Variants in SLC67A2 observed in about 807,000 individuals in gnomAD.
SLC67A2 encodes solute carrier family 67 member 2.
chr2:102,718,522 G>A, the SLC67A2 span: 1 of 1,613,666 alleles, frequency 6.2e-7, no homozygotes. Flanking sequence ...CCAGGCTGGG[G>A]GGGCCGCAAG....
chr2:102,735,836 ACG>A, the SLC67A2 span, among the ~76,000 whole-genome samples: 1,603 of 135,508 alleles, frequency 0.012, 34 homozygotes, highest in African/African-American at 0.042. Context: ...AAACCAGGAC[ACG>A]CGCGCGCGCA....
At chr2:102,726,796 T>G in the SLC67A2 span, 2 of 1,512,528 alleles carry the variant, frequency 1.3e-6, no homozygotes, top group Admixed American at 2.2e-5. Context: ...CATATTGAGG[T>G]TCTGGGGGAA....
the SLC67A2 span, among the ~76,000 whole-genome samples, chr2:102,720,008 T>C: frequency 6.6e-6 from 1 of 152,324 alleles, no homozygotes; most frequent in South Asian, 2.1e-4. Context: ...TCTGTCCTCA[T>C]AGGACTAGCA....
chr2:102,716,369 C>T, the SLC67A2 span: 2 of 152,194 alleles, frequency 1.3e-5, no homozygotes, highest in South Asian at 4.2e-4. Context: ...AATTCTATTT[C>T]ATTGCATAAA....
At chr2:102,728,263 A>C in the SLC67A2 span, among the ~76,000 whole-genome samples, 1 of 152,210 alleles carries the variant, frequency 6.6e-6, no homozygotes, top group South Asian at 2.1e-4. Context: ...GTTCCAGTAC[A>C]ATGGGCTGGT....
chr2:102,726,805 A>T, the SLC67A2 span: 1 of 1,538,936 alleles, frequency 6.5e-7, no homozygotes. Context: ...GTTCTGGGGG[A>T]AGCTACGTTT....
chr2:102,724,972 C>T, the SLC67A2 span, among the ~76,000 whole-genome samples: 3 of 152,302 alleles, frequency 2.0e-5, no homozygotes, highest in East Asian at 3.9e-4. Flanking sequence ...CCGTAGGTCT[C>T]GCAGGAATTC....
the SLC67A2 span, among the ~76,000 whole-genome samples, chr2:102,735,619 G>A: frequency 3.9e-5 from 6 of 152,198 alleles, no homozygotes; most frequent in African/African-American, 1.4e-4. Context: ...AAAGGGAGGA[G>A]TGCAGAGGTG....
chr2:102,714,750 T>C, the SLC67A2 span, among the ~76,000 whole-genome samples: 1 of 152,228 alleles, frequency 6.6e-6, no homozygotes, highest in Non-Finnish European at 1.5e-5. Flanking sequence ...GAAAAGCTGC[T>C]ACACATCATC....
chr2:102,715,681 G>C, the SLC67A2 span, among the ~76,000 whole-genome samples: 1 of 152,050 alleles, frequency 6.6e-6, no homozygotes, highest in Non-Finnish European at 1.5e-5. Flanking sequence ...TTTCAGGAAG[G>C]TTCAATACTC....
the SLC67A2 span, among the ~76,000 whole-genome samples, chr2:102,728,180 A>G: frequency 6.6e-6 from 1 of 152,198 alleles, no homozygotes; most frequent in Non-Finnish European, 1.5e-5. Flanking sequence ...ACACTATACT[A>G]TCAATGGAGC....
At chr2:102,715,292 C>T in the SLC67A2 span, among the ~76,000 whole-genome samples, 5 of 152,266 alleles carry the variant, frequency 3.3e-5, no homozygotes, top group Admixed American at 6.5e-5. Context: ...GCATGGCAGC[C>T]GAATCCATTC....
At chr2:102,735,782 TA>T in the SLC67A2 span, among the ~76,000 whole-genome samples, 80 of 152,162 alleles carry the variant, frequency 5.3e-4, no homozygotes, top group East Asian at 0.015. Flanking sequence ...TGAATCAGCT[TA>T]CTAAACTTTC....
chr2:102,732,087 T>A, the SLC67A2 span: 41 of 633,158 alleles, frequency 6.5e-5, no homozygotes, highest in Non-Finnish European at 1.0e-4. Context: ...ACTAGTGGCA[T>A]GGGACTTGGT....
the SLC67A2 span, chr2:102,719,053 G>C: frequency 0.017 from 28,237 of 1,614,144 alleles, 308 homozygotes; most frequent in Middle Eastern, 0.023. Context: ...CCCAGGGCTG[G>C]GCAGTCTTCT....
At chr2:102,736,071 A>T in the SLC67A2 span, among the ~76,000 whole-genome samples, 1 of 152,176 alleles carries the variant, frequency 6.6e-6, no homozygotes, top group South Asian at 2.1e-4. Context: ...CACACACATC[A>T]TGATGAAACC....
the SLC67A2 span, among the ~76,000 whole-genome samples, chr2:102,730,544 CA>C: frequency 1.3e-5 from 2 of 151,416 alleles, no homozygotes; most frequent in Non-Finnish European, 2.9e-5. Context: ...TTGGTAATAA[CA>C]TTTTTTTTTT....
At chr2:102,732,889 G>C in the SLC67A2 span, among the ~76,000 whole-genome samples, 22 of 152,234 alleles carry the variant, frequency 1.4e-4, no homozygotes, top group Admixed American at 1.4e-3. Flanking sequence ...CCAGTGTTTT[G>C]CAGCTAAGTC....
the SLC67A2 span, among the ~76,000 whole-genome samples, chr2:102,721,671 GTGTGTGTGTGTC>G: frequency 1.3e-5 from 2 of 151,692 alleles, no homozygotes; most frequent in Non-Finnish European, 2.9e-5. Context: ...GTGTGTGTGT[GTGTGTGTGTGTC>G]TGTGTGTGTG....
Sources: gnomAD v4.1 joint callset for allele counts (sites outside exome capture counted in the v4.1 genomes callset) on GRCh38, gnomAD v4.1.1 for gene constraint, MANE v1.5 for transcripts, NCBI Gene and HGNC (gene_info 2026-07-23, HGNC 2026-07-21) for gene names.